Variants in ANK2 observed in about 807,000 individuals in gnomAD.
ANK2 encodes ankyrin 2, also known as ankyrin-2.
In ANK2, 83 loss-of-function variants were observed where a neutral mutation model predicts 360.5. The ratio of observed to expected loss-of-function variants is 0.23; its 90% CI spans 0.19 to 0.28. The LOEUF is 0.28. Among genes scored for constraint, ANK2 ranks in the 10% least tolerant of loss-of-function variants. The pLI is 1.00. For missense variants in ANK2, 4,201 were observed against 4,795.7 expected (o/e 0.88, Z 3.66); for synonymous variants, 1,740 against 1,759.5 (o/e 0.99, Z 0.28).
At chr4:112,788,296 C>T in the ANK2 span, 8 of 1,573,202 alleles carry the variant, frequency 5.1e-6, no homozygotes, top group Admixed American at 5.0e-5. Context: ...TGCAGGTCTT[C>T]CTGTGGACGA....
the ANK2 span, among the ~76,000 whole-genome samples, chr4:112,774,120 C>T: frequency 9.2e-5 from 14 of 152,108 alleles, no homozygotes; most frequent in African/African-American, 2.4e-4. Flanking sequence ...CTTGAGCCAC[C>T]GCGCCCAGCC....
chr4:113,158,617 T>C (rs1378355332), intron 1 of ANK2, among the ~76,000 whole-genome samples: 2 of 152,228 alleles, frequency 1.3e-5, no homozygotes, highest in Non-Finnish European at 2.9e-5. Flanking sequence ...GCACATTATA[T>C]GCTGGGCTCC....
chr4:112,997,493 T>C (rs1365949147), intron 2 of ANK2, among the ~76,000 whole-genome samples: 2 of 152,100 alleles, frequency 1.3e-5, no homozygotes, highest in African/African-American at 2.4e-5. Flanking sequence ...CCTTGAAACT[T>C]TTCAGATGCA....
chr4:113,136,631 G>A (rs1167957914), intron 1 of ANK2, among the ~76,000 whole-genome samples: 1 of 151,982 alleles, frequency 6.6e-6, no homozygotes, highest in African/African-American at 2.4e-5. Context: ...TGCAATGAGC[G>A]CCACTGCACT....
intron 35 of ANK2, 165 bp from the exon 36 acceptor site, chr4:113,348,111 T>G: frequency 1.5e-6 from 1 of 670,116 alleles, no homozygotes; most frequent in Non-Finnish European, 2.6e-6. Context: ...CTTTTCTGCC[T>G]GTCTTCTATA....
chr4:112,987,813 C>A (rs2045457057), intron 2 of ANK2, among the ~76,000 whole-genome samples: 1 of 151,638 alleles, frequency 6.6e-6, no homozygotes, highest in Non-Finnish European at 1.5e-5. Flanking sequence ...GTTATAGAAA[C>A]AACTATAACA....
chr4:112,836,634 C>T (rs1020347695), intron 1 of ANK2, among the ~76,000 whole-genome samples: 6 of 152,144 alleles, frequency 3.9e-5, no homozygotes, highest in Non-Finnish European at 7.3e-5. Flanking sequence ...AGATGAGGAA[C>T]TTATTGGGAA....
intron 2 of ANK2, among the ~76,000 whole-genome samples, chr4:112,925,830 G>A (rs2092464484): frequency 6.6e-6 from 1 of 151,966 alleles, no homozygotes; most frequent in African/African-American, 2.4e-5. Context: ...TCCACAGTTG[G>A]ATGGAACCAT....
At chr4:113,103,868 C>T (rs973310690) in intron 1 of ANK2, among the ~76,000 whole-genome samples, 14 of 152,050 alleles carry the variant, frequency 9.2e-5, no homozygotes, top group Non-Finnish European at 1.9e-4. Flanking sequence ...GTTTAAGCTT[C>T]AATGTAGAAT....
At chr4:112,847,276 T>C (rs2063533339) in intron 1 of ANK2, among the ~76,000 whole-genome samples, 1 of 152,214 alleles carries the variant, frequency 6.6e-6, no homozygotes, top group Non-Finnish European at 1.5e-5. Context: ...ACTCAACTAG[T>C]CGTTTTCTAC....
At chr4:112,857,567 A>G (rs2066752555) in intron 1 of ANK2, among the ~76,000 whole-genome samples, 1 of 152,220 alleles carries the variant, frequency 6.6e-6, no homozygotes, top group African/African-American at 2.4e-5. Context: ...ATTCCGCATC[A>G]TGGATATTCC....
rs114122425 is a variant in ANK2, at chr4:113,373,192, T to A, written c.11694+19T>A. On this transcript the variant is annotated intron_variant, in intron 44 of 45. Transcript: ENST00000357077. ...AAAGAAGGTATTGTCTAGTATATCC[T>A]AACAGGGTTGATTACAAACTTCCTG... 170 of 1,612,398 alleles carry A rather than the reference T, an allele frequency of 1.1e-4. 1 individual carries two copies. The African/African-American group carries it at 2.1e-3, about 20-fold the overall frequency.
chr4:112,766,608 G>C, the ANK2 span, among the ~76,000 whole-genome samples: 2,699 of 152,058 alleles, frequency 0.018, 47 homozygotes, highest in East Asian at 0.047. Context: ...TTTCTGAAAG[G>C]CTTTCTCCTC....
intron 15 of ANK2, among the ~76,000 whole-genome samples, chr4:113,275,638 A>G (rs1393089886): frequency 6.6e-6 from 1 of 152,094 alleles, no homozygotes; most frequent in Non-Finnish European, 1.5e-5. Context: ...CTATGGCTGT[A>G]AAAGGTATTT....
At chr4:113,192,927 A>T (rs2352534) in intron 2 of ANK2, among the ~76,000 whole-genome samples, 1,639 of 143,464 alleles carry the variant, frequency 0.011, 38 homozygotes, top group African/African-American at 0.038. Context: ...CATTATTTAA[A>T]AAAAAAAAAA....
chr4:112,813,617 C>G (rs2149479992), upstream of ANK2, among the ~76,000 whole-genome samples: 1 of 152,206 alleles, frequency 6.6e-6, no homozygotes, highest in East Asian at 1.9e-4. Context: ...CTCACTGCAG[C>G]CTCGACCTCC....
At position 113,345,962 on chromosome 4, in the gene ANK2, G is replaced by T. The variant is rs374770898; in HGVS notation, c.4311G>T (p.Thr1437=). Residue 1437 remains threonine, a synonymous_variant, in exon 35 of 46, where the codon ACG becomes ACT. Coordinates refer to ENST00000357077, the MANE Select transcript of ANK2 (RefSeq NM_001148.6). ...CATTTATGAAGGAGCCAAAATCCAC[G>T]AGAGGCCTGGTGCATCAAGCTATTT... ...RLSFMKEPKS[T]RGLVHQAICN... The T allele has an allele frequency of 6.2e-7, 1 of 1,613,654 alleles. No homozygotes were observed. The highest frequency in any genetic ancestry group is 1.1e-5 in the South Asian group (1 of 91,074).
chr4:112,746,987 A>G, the ANK2 span, among the ~76,000 whole-genome samples: 1 of 152,206 alleles, frequency 6.6e-6, no homozygotes, highest in African/African-American at 2.4e-5. Flanking sequence ...TTTCTATTAT[A>G]TTATTTCAGG....
At chr4:113,326,995 C>T (rs1429048864) in intron 26 of ANK2, among the ~76,000 whole-genome samples, 1 of 152,044 alleles carries the variant, frequency 6.6e-6, no homozygotes, top group Non-Finnish European at 1.5e-5. Flanking sequence ...TAGAGTAAGA[C>T]CCTCTCTCAA....
Sources: gnomAD v4.1 joint callset for allele counts (sites outside exome capture counted in the v4.1 genomes callset) on GRCh38, gnomAD v4.1.1 for gene constraint, MANE v1.5 for transcripts, NCBI Gene and HGNC (gene_info 2026-07-23, HGNC 2026-07-21) for gene names.